DAPK1: variants seen among roughly 807,000 people sequenced by gnomAD.
DAPK1 encodes death associated protein kinase 1, also known as death-associated protein kinase 1.
In DAPK1, 56 loss-of-function variants were observed where a neutral mutation model predicts 144.9. That is an observed-to-expected ratio of 0.39 (90% CI 0.31 to 0.48). The LOEUF (loss-of-function observed/expected upper bound fraction) is 0.48. DAPK1 is among the 20% of genes least tolerant of loss of function. DAPK1 has a pLI of 0.95. For missense variants in DAPK1, 1,454 were observed against 1,875.4 expected, an observed-to-expected ratio of 0.78 and a Z score of 4.15; for synonymous variants, 690 against 749.0, an observed-to-expected ratio of 0.92 and a Z score of 1.29.
At chr9:87,545,770 C>G (rs970148514) in intron 2 of DAPK1, among the ~76,000 whole-genome samples, 1 of 151,908 alleles carries the variant, frequency 6.6e-6, no homozygotes, top group Non-Finnish European at 1.5e-5. Flanking sequence ...GTCTCGAACT[C>G]CTGACCTCAG....
At chr9:87,684,762 C>T (rs903354628) in intron 20 of DAPK1, among the ~76,000 whole-genome samples, 6 of 152,272 alleles carry the variant, frequency 3.9e-5, no homozygotes, top group East Asian at 3.9e-4. Context: ...TCCTGGGAGC[C>T]GTCACGTTAC....
At chr9:87,509,313 T>A (rs1824739189) in intron 2 of DAPK1, among the ~76,000 whole-genome samples, 1 of 152,182 alleles carries the variant, frequency 6.6e-6, no homozygotes, top group African/African-American at 2.4e-5. Flanking sequence ...AAAATAATAT[T>A]TCATTGGCCT....
Position 87,706,823 on chromosome 9 carries a change from T to A in DAPK1, c.3752T>A (p.Ile1251Asn), listed in dbSNP as rs777495186. 1 of 1,613,668 alleles carries A rather than the reference T, an allele frequency of 6.2e-7. No homozygotes were observed. Among genetic ancestry groups the A allele is most frequent in the African/African-American group, 1.3e-5 (1 of 74,922 alleles). ...CGGGAGCACCATGAGCCCGTCATGATCTACCAGCCACGGGACTTCTTCCGG... is the reference window on the plus strand; with the variant it reads ...CGGGAGCACCATGAGCCCGTCATGAACTACCAGCCACGGGACTTCTTCCGG... ...QLREHHEPVM[I>N]YQPRDFFRAQ... Residue 1251 changes from isoleucine to asparagine, a missense_variant, in exon 26 of 26, where the codon ATC becomes AAC. Around this residue, in one of 2 missense-constraint regions of DAPK1, gnomAD observed 1,025 missense variants for 1,237.9 expected, o/e 0.83. Transcript: ENST00000408954. The surrounding 1 kb of genome is among the most constrained non-coding windows in gnomAD (Gnocchi z 9.0).
At chr9:87,567,896 G>C (rs1289814679) in intron 2 of DAPK1, among the ~76,000 whole-genome samples, 2 of 152,152 alleles carry the variant, frequency 1.3e-5, no homozygotes, top group Non-Finnish European at 2.9e-5. Flanking sequence ...ATGCTTTCGT[G>C]TTCACTTTCA....
chr9:87,648,651 C>A, intron 14 of DAPK1, 130 bp from the exon 15 acceptor site: 1 of 758,198 alleles, frequency 1.3e-6, no homozygotes, highest in Admixed American at 2.2e-5. Flanking sequence ...GGGCATCTGC[C>A]CAAGGTGGGT....
chr9:87,647,451 G>A (rs1830307839), intron 14 of DAPK1, 48 bp downstream of exon 14: 4 of 1,500,548 alleles, frequency 2.7e-6, no homozygotes, highest in Non-Finnish European at 3.7e-6. Flanking sequence ...GTAAATGGAT[G>A]CATGTGAGTG....
At chr9:87,602,096 C>T (rs1334959632) in intron 2 of DAPK1, among the ~76,000 whole-genome samples, 3 of 152,060 alleles carry the variant, frequency 2.0e-5, no homozygotes, top group Non-Finnish European at 4.4e-5. Context: ...TCTTTCGACT[C>T]AGGGATATGG....
At chr9:87,591,197 T>C (rs775127414) in intron 2 of DAPK1, among the ~76,000 whole-genome samples, 1 of 152,234 alleles carries the variant, frequency 6.6e-6, no homozygotes, top group Non-Finnish European at 1.5e-5. Flanking sequence ...CGTCCTGTAC[T>C]TTTGCTTTTC....
At chr9:87,588,223 T>G (rs1418132348) in intron 2 of DAPK1, among the ~76,000 whole-genome samples, 2 of 152,246 alleles carry the variant, frequency 1.3e-5, no homozygotes, top group Non-Finnish European at 2.9e-5. Flanking sequence ...TTGGAAGACT[T>G]GAATTGGTGG....
intron 2 of DAPK1, among the ~76,000 whole-genome samples, chr9:87,544,566 A>G (rs1356376723): frequency 6.6e-6 from 1 of 152,220 alleles, no homozygotes; most frequent in Admixed American, 6.5e-5. Context: ...AAATTTTTCT[A>G]ATGTTCCTTG....
At chr9:87,650,310 G>C in intron 16 of DAPK1, 192 bp downstream of exon 16, 1 of 577,094 alleles carries the variant, frequency 1.7e-6, no homozygotes, top group South Asian at 2.2e-5. Context: ...ATTAATTTAT[G>C]GCATATAACA....
chr9:87,648,615 T>C (rs943861650), intron 14 of DAPK1, 166 bp from the exon 15 acceptor site: 9 of 608,450 alleles, frequency 1.5e-5, no homozygotes, highest in Non-Finnish European at 2.7e-5. Context: ...CACCCCAACC[T>C]CAGGTCCCCA....
rs377118500 is a variant in DAPK1 at position 87,585,564 on chromosome 9, T to C, written c.63-19390T>C. Among the ~76,000 whole-genome samples, 235 of 152,368 alleles carry C rather than the reference T, an allele frequency of 1.5e-3. 1 individual carries two copies. Among genetic ancestry groups the C allele is most frequent in the African/African-American group, 5.4e-3 (226 of 41,590 alleles). ...GGGTCTCTAAGCTAATTTTGGTCTC[T>C]GTTATTCTTCTAATAAGGTGAACAG... On this transcript the variant is annotated intron_variant, in intron 2 of 25. Transcript: ENST00000408954.
intron 2 of DAPK1, among the ~76,000 whole-genome samples, chr9:87,503,431 C>T (rs1225883916): frequency 6.6e-6 from 1 of 152,106 alleles, no homozygotes; most frequent in East Asian, 1.9e-4. Context: ...TGCCTGGCCT[C>T]TAATATATCA....
chr9:87,697,233 G>GTCCT, intron 22 of DAPK1, 29 bp downstream of exon 22: 2 of 1,049,068 alleles, frequency 1.9e-6, no homozygotes, highest in African/African-American at 1.6e-5. Context: ...GGCCAGTGAT[G>GTCCT]TCCTACCTGT....
At chr9:87,644,637 A>G (rs1830207350) in intron 11 of DAPK1, among the ~76,000 whole-genome samples, 1 of 152,212 alleles carries the variant, frequency 6.6e-6, no homozygotes, top group African/African-American at 2.4e-5. Context: ...ACAACCAGTG[A>G]AAAGATAAAA....
chr9:87,518,473 C>T (rs1178514818), intron 2 of DAPK1, among the ~76,000 whole-genome samples: 2 of 151,644 alleles, frequency 1.3e-5, no homozygotes, highest in South Asian at 2.1e-4. Flanking sequence ...TGATGTTAAC[C>T]CTTTGCCATC....
At chr9:87,589,806 C>T (rs1421245518) in intron 2 of DAPK1, among the ~76,000 whole-genome samples, 1 of 152,076 alleles carries the variant, frequency 6.6e-6, no homozygotes, top group African/African-American at 2.4e-5. Context: ...GTATCAGGGC[C>T]AGGATGTCCT....
intron 19 of DAPK1, among the ~76,000 whole-genome samples, chr9:87,676,857 G>A (rs1824404057): frequency 6.6e-6 from 1 of 152,212 alleles, no homozygotes; most frequent in Admixed American, 6.5e-5. Context: ...GCACATCCCT[G>A]TCTGTTCCTG....
Sources: allele counts gnomAD v4.1 joint callset (sites outside exome capture counted in the v4.1 genomes callset), GRCh38; gene constraint gnomAD v4.1.1; regional missense constraint gnomAD v4.1.1; non-coding constraint Gnocchi (gnomAD v3.1); transcripts MANE v1.5; gene names NCBI Gene and HGNC (gene_info 2026-07-23, HGNC 2026-07-21).